The following RGL1 variants were observed in gnomAD, a reference collection of about 807,000 sequenced individuals.
The protein encoded by RGL1 is ral guanine nucleotide dissociation stimulator-like 1.
RGL1 carries 24 observed loss-of-function variants against 95.2 expected under a neutral mutation model. That is an observed-to-expected ratio of 0.25 (90% CI 0.18 to 0.35). The LOEUF (loss-of-function observed/expected upper bound fraction) is 0.35, where lower values mean the gene tolerates loss of function less well. Ranked by LOEUF, RGL1 falls within the 10% of genes least tolerant of loss-of-function variation. The pLI, the probability that RGL1 is intolerant of heterozygous loss-of-function variation, is 1.00. For missense variants in RGL1, 715 were observed against 936.3 expected (o/e 0.76, Z 3.08); for synonymous variants, 329 against 344.9 (o/e 0.95, Z 0.51).
At chr1:183,847,503 A>G (rs1004454082) in intron 2 of RGL1, 63 bp from the exon 3 acceptor site, 36 of 1,361,710 alleles carry the variant, frequency 2.6e-5, no homozygotes, top group East Asian at 6.9e-5. Flanking sequence ...AACTATTTCA[A>G]TGCTTCCAAT....
At chr1:183,778,559 TG>T (rs1459078734) in intron 2 of RGL1, among the ~76,000 whole-genome samples, 1 of 152,154 alleles carries the variant, frequency 6.6e-6, no homozygotes, top group Non-Finnish European at 1.5e-5. Context: ...CTGTCCTTTA[TG>T]GGGGTAAACA....
intron 9 of RGL1, among the ~76,000 whole-genome samples, chr1:183,896,460 C>T (rs1667707442): frequency 1.3e-5 from 2 of 152,162 alleles, no homozygotes; most frequent in South Asian, 4.1e-4. Flanking sequence ...TAATGAGTCA[C>T]TGTGGGTTCT....
intron 2 of RGL1, among the ~76,000 whole-genome samples, chr1:183,773,015 C>CAAAAAAAAAAAA (rs60100787): frequency 3.2e-4 from 23 of 72,438 alleles, no homozygotes; most frequent in African/African-American, 7.0e-4. Flanking sequence ...GACTCCGTCT[C>CAAAAAAAAAAAA]AAAAAAAAAA....
intron 2 of RGL1, among the ~76,000 whole-genome samples, chr1:183,757,828 A>C (rs1558190967): frequency 6.6e-6 from 1 of 152,232 alleles, no homozygotes; most frequent in Non-Finnish European, 1.5e-5. Flanking sequence ...TGGCAGAGTA[A>C]GATTGAAATT....
At chr1:183,881,438 G>A (rs1450997559) in intron 5 of RGL1, among the ~76,000 whole-genome samples, 1 of 152,194 alleles carries the variant, frequency 6.6e-6, no homozygotes, top group African/African-American at 2.4e-5. Flanking sequence ...TATTTGCAAG[G>A]ACAAAGGAAA....
At chr1:183,791,089 C>T (rs1660423170) in intron 2 of RGL1, among the ~76,000 whole-genome samples, 2 of 152,108 alleles carry the variant, frequency 1.3e-5, no homozygotes, top group African/African-American at 2.4e-5. Context: ...CCTTCCCTTC[C>T]CCCTCCCCAA....
At chr1:183,737,540 A>G (rs1390435358) in intron 1 of RGL1, among the ~76,000 whole-genome samples, 1 of 150,298 alleles carries the variant, frequency 6.7e-6, no homozygotes, top group East Asian at 2.0e-4. Flanking sequence ...ACTTGAGCCC[A>G]GGTGAGACCA....
chr1:183,891,702 T>G (rs1667424236), intron 8 of RGL1, among the ~76,000 whole-genome samples: 1 of 150,956 alleles, frequency 6.6e-6, no homozygotes, highest in African/African-American at 2.4e-5. Context: ...CAAGATGACC[T>G]CTCAGATCTG....
At chr1:183,710,579 T>C (rs780926228) in intron 1 of RGL1, among the ~76,000 whole-genome samples, 3 of 152,196 alleles carry the variant, frequency 2.0e-5, no homozygotes, top group Non-Finnish European at 4.4e-5. Context: ...AGAGGTTTAA[T>C]TGACTCATAG....
chr1:183,869,517 T>A (rs1666037471), intron 4 of RGL1, among the ~76,000 whole-genome samples: 1 of 152,196 alleles, frequency 6.6e-6, no homozygotes, highest in Admixed American at 6.5e-5. Flanking sequence ...TATGCCACTT[T>A]ATCTTATAAT....
At chr1:183,726,127 C>A (rs1043404888) in intron 1 of RGL1, among the ~76,000 whole-genome samples, 1 of 151,980 alleles carries the variant, frequency 6.6e-6, no homozygotes, top group African/African-American at 2.4e-5. Flanking sequence ...AGAAGACACA[C>A]ATATCAAAAT....
At chr1:183,826,027 A>G (rs2491443) in intron 2 of RGL1, among the ~76,000 whole-genome samples, 6 of 140,114 alleles carry the variant, frequency 4.3e-5, no homozygotes, top group South Asian at 4.6e-4. Flanking sequence ...CAATCAATCA[A>G]TCAATCGCAA....
chr1:183,870,291 G>T (rs1666094608), intron 4 of RGL1, among the ~76,000 whole-genome samples: 1 of 122,038 alleles, frequency 8.2e-6, no homozygotes, highest in Admixed American at 8.3e-5. Flanking sequence ...GTGTCTTCCG[G>T]CCAGGGTAGG....
chr1:183,857,717 A>G (rs1404517531), intron 3 of RGL1, among the ~76,000 whole-genome samples: 1 of 152,260 alleles, frequency 6.6e-6, no homozygotes, highest in Non-Finnish European at 1.5e-5. Context: ...ATATCCAACC[A>G]TAATTACCTG....
chr1:183,727,158 T>A (rs1189375162), intron 1 of RGL1, among the ~76,000 whole-genome samples: 1 of 152,102 alleles, frequency 6.6e-6, no homozygotes, highest in Non-Finnish European at 1.5e-5. Context: ...ACGTAATACA[T>A]GATAATCAAA....
chr1:183,675,051 C>A (rs1456109906), intron 1 of RGL1, among the ~76,000 whole-genome samples: 1 of 152,210 alleles, frequency 6.6e-6, no homozygotes, highest in East Asian at 1.9e-4. Context: ...AATCTCAGCT[C>A]TTCTGTTCTG....
rs756035653 is a variant in RGL1, at chr1:183,866,077, A to G, written c.425+4A>G. On this transcript the variant is annotated splice_donor_region_variant and intron_variant, in intron 4 of 17. Coordinates refer to ENST00000360851, the MANE Select transcript of RGL1 (RefSeq NM_001297671.3). The stretch of plus-strand genomic sequence containing the variant: ...AGTCCAAAATGGTGATCAGGAAGTG[A>G]GTCTCCCTTTTCTTTGCATTCTAAG... The G allele has an allele frequency of 6.2e-7, 1 of 1,608,412 alleles. No homozygotes were observed. Among genetic ancestry groups the G allele is most frequent in the Non-Finnish European group, 8.5e-7 (1 of 1,174,880 alleles).
At chr1:183,715,520 T>C (rs761248385) in intron 1 of RGL1, among the ~76,000 whole-genome samples, 8 of 152,186 alleles carry the variant, frequency 5.3e-5, no homozygotes, top group Non-Finnish European at 1.2e-4. Context: ...TTTCTCAGGG[T>C]ACTATGCTTT....
chr1:183,837,276 A>C (rs1363381380), intron 2 of RGL1, among the ~76,000 whole-genome samples: 2 of 152,114 alleles, frequency 1.3e-5, no homozygotes, highest in Non-Finnish European at 2.9e-5. Flanking sequence ...ATTCACAGAG[A>C]ATATTAGGTC....
Sources: allele counts gnomAD v4.1 joint callset (sites outside exome capture counted in the v4.1 genomes callset), GRCh38; gene constraint gnomAD v4.1.1; transcripts MANE v1.5; gene names NCBI Gene and HGNC (gene_info 2026-07-23, HGNC 2026-07-21).